The following DGKI variants were observed in gnomAD, a reference collection of about 807,000 sequenced individuals.
DGKI encodes the protein DAG kinase iota.
A neutral mutation model predicts 147.5 loss-of-function variants in DGKI; 55 were observed. That is an observed-to-expected ratio of 0.37 (90% CI 0.30 to 0.47). The LOEUF is 0.47. Among genes scored for constraint, DGKI ranks in the 20% least tolerant of loss-of-function variants. The pLI is 1.00. For missense variants in DGKI, 1,007 were observed against 1,323.8 expected, an observed-to-expected ratio of 0.76 and a Z score of 3.71; for synonymous variants, 469 against 477.1, an observed-to-expected ratio of 0.98 and a Z score of 0.22.
intron 23 of DGKI, among the ~76,000 whole-genome samples, chr7:137,480,058 G>T (rs113653090): frequency 6.6e-6 from 1 of 152,082 alleles, no homozygotes; most frequent in African/African-American, 2.4e-5. Context: ...TGGGGTAGAA[G>T]ATAGAAATAA....
intron 1 of DGKI, among the ~76,000 whole-genome samples, chr7:137,789,618 A>G (rs2116920677): frequency 6.6e-6 from 1 of 152,242 alleles, no homozygotes; most frequent in Middle Eastern, 3.4e-3. Flanking sequence ...TGAAGGAGGA[A>G]AAAAAAACAC....
chr7:137,477,026 T>C (rs1163151744), intron 23 of DGKI, among the ~76,000 whole-genome samples: 1 of 152,232 alleles, frequency 6.6e-6, no homozygotes, highest in African/African-American at 2.4e-5. Context: ...TCTAAATGGC[T>C]ATGAAGATCT....
intron 1 of DGKI, among the ~76,000 whole-genome samples, chr7:137,716,988 C>A (rs926666473): frequency 6.6e-6 from 1 of 152,188 alleles, no homozygotes; most frequent in Non-Finnish European, 1.5e-5. Flanking sequence ...TCCAGATGGG[C>A]TTTTATCTTT....
intron 1 of DGKI, among the ~76,000 whole-genome samples, chr7:137,824,559 T>G (rs1798001539): frequency 6.6e-6 from 1 of 151,208 alleles, no homozygotes; most frequent in Admixed American, 6.6e-5. Flanking sequence ...AATTATTGGG[T>G]TTTATTTAAA....
chr7:137,598,812 C>T lies in DGKI; in HGVS notation c.1251-905G>A, dbSNP rs539978910. 3.3e-5 allele frequency among the ~76,000 whole-genome samples: 5 copies of T among 151,786 alleles called. No individual in the cohort carries two copies. The East Asian group carries it at 7.7e-4, about 23-fold the overall frequency. ...AAATAAGCTCCTAAAATGGCACATC[C>T]CAGGATAGCAGATTTGCCTTAGCAT... On this transcript the variant is annotated intron_variant, in intron 11 of 32. Coordinates refer to ENST00000614521, the MANE Select transcript of DGKI (RefSeq NM_001321708.2).
chr7:137,693,118 G>A (rs551979803), intron 1 of DGKI, among the ~76,000 whole-genome samples: 118 of 152,174 alleles, frequency 7.8e-4, no homozygotes, highest in African/African-American at 1.3e-3. Flanking sequence ...ATAAGTTAGC[G>A]AAAGTTATTT....
intron 2 of DGKI, among the ~76,000 whole-genome samples, chr7:137,688,120 C>T (rs1329171258): frequency 6.6e-6 from 1 of 152,178 alleles, no homozygotes; most frequent in Non-Finnish European, 1.5e-5. Flanking sequence ...TTTCCAACAT[C>T]AAATGGGAAT....
chr7:137,421,482 A>G (rs1812568612), intron 28 of DGKI, among the ~76,000 whole-genome samples: 1 of 152,186 alleles, frequency 6.6e-6, no homozygotes, highest in Admixed American at 6.5e-5. Context: ...CTGTTTGGAG[A>G]AAAAACAAAC....
At position 137,582,428 on chromosome 7, in the gene DGKI, CTCTCTCTA is replaced by C. The variant is rs1427824168; in HGVS notation, c.1564-508_1564-501del. On this transcript the variant is annotated intron_variant, in intron 14 of 32. Transcript: ENST00000614521. ...CATCACCCATTTTCTCTCTCTCTCT[CTCTCTCTA>C]TATATATATATATATACACACACAC... Among the ~76,000 whole-genome samples the C allele has an allele frequency of 4.0e-5, 6 of 150,358 alleles. No homozygotes were observed. The South Asian group carries it at 1.3e-3, about 32-fold the overall frequency.
In DGKI at chr7:137,585,266, G is replaced by A. The variant is rs374161523; in HGVS notation, c.1506C>T (p.Leu502=). ...GTVVQLDRWN[L]HVERNPDLPP... ...GCAAGTCGGGGTTTCTTTCCACATG[G>A]AGGTTCCAGCGATCTAGCTGTACAA... Residue 502 remains leucine (L), a synonymous_variant, in exon 14 of 33, where the codon CTC becomes CTT. Transcript: ENST00000614521. The A allele has an allele frequency of 1.2e-4, 194 of 1,613,978 alleles. No homozygotes were observed. The highest frequency in any genetic ancestry group is 1.6e-4 in the Non-Finnish European group (186 of 1,180,016).
intron 1 of DGKI, among the ~76,000 whole-genome samples, chr7:137,738,146 C>A (rs1019594518): frequency 6.6e-6 from 1 of 151,980 alleles, no homozygotes; most frequent in South Asian, 2.1e-4. Flanking sequence ...TTTGTAGATG[C>A]GGAATGAAAT....
At chr7:137,803,231 C>A (rs1484191755) in intron 1 of DGKI, among the ~76,000 whole-genome samples, 1 of 152,034 alleles carries the variant, frequency 6.6e-6, no homozygotes, top group African/African-American at 2.4e-5. Context: ...AGTGAGGAGA[C>A]CAGTTTTGCT....
At chr7:137,511,663 T>C (rs1816584218) in intron 21 of DGKI, among the ~76,000 whole-genome samples, 1 of 152,218 alleles carries the variant, frequency 6.6e-6, no homozygotes, top group Admixed American at 6.5e-5. Flanking sequence ...TCAAGGATTT[T>C]GGTATGTGGG....
At chr7:137,491,531 A>C (rs1815762706) in intron 21 of DGKI, among the ~76,000 whole-genome samples, 1 of 152,234 alleles carries the variant, frequency 6.6e-6, no homozygotes, top group East Asian at 1.9e-4. Flanking sequence ...TATAAGTTTA[A>C]TGTTAATCCC....
At chr7:137,700,118 G>A (rs1823926246) in intron 1 of DGKI, among the ~76,000 whole-genome samples, 1 of 152,218 alleles carries the variant, frequency 6.6e-6, no homozygotes, top group Admixed American at 6.5e-5. Context: ...AGCCTACAAA[G>A]ACCCCAGAGC....
In DGKI at chr7:137,384,019, A is replaced by T. The variant is rs1811118868; in HGVS notation, c.*7201T>A. On this transcript the variant is annotated 3_prime_UTR_variant, in exon 33 of 33. Coordinates refer to ENST00000614521, the MANE Select transcript of DGKI (RefSeq NM_001321708.2). ...ATAGGTGTATTAAACCTCTATGTAT[A>T]TGACTATGTATTATCATAACACTTA... 6.6e-6 allele frequency: 1 copy of T among 152,046 alleles called. No individual in the cohort carries two copies. The allele number at this position is 152,046 out of a possible 1,614,324, so 9.4% of individuals were successfully genotyped here. A position where few individuals can be genotyped will look rare whatever the true frequency, so the allele number is the denominator to read the frequency against.
At chr7:137,469,471 A>G (rs1007183208) in intron 24 of DGKI, 79 bp downstream of exon 24, 2 of 1,437,862 alleles carry the variant, frequency 1.4e-6, no homozygotes, top group Non-Finnish European at 2.0e-6. Flanking sequence ...TTGGAAAACT[A>G]GAGCCCACCC....
At chr7:137,428,066 C>T (rs199964209) in intron 28 of DGKI, among the ~76,000 whole-genome samples, 5 of 147,992 alleles carry the variant, frequency 3.4e-5, no homozygotes, top group Admixed American at 6.8e-5. Flanking sequence ...CCAGCATCAT[C>T]CTGATACCAA....
intron 21 of DGKI, among the ~76,000 whole-genome samples, chr7:137,500,716 A>G (rs954922487): frequency 2.0e-5 from 3 of 152,102 alleles, no homozygotes; most frequent in Non-Finnish European, 4.4e-5. Context: ...AGGTGCCTAG[A>G]GTTGTTTCTT....
Sources: gnomAD v4.1 joint callset for allele counts (sites outside exome capture counted in the v4.1 genomes callset) on GRCh38, gnomAD v4.1.1 for gene constraint, MANE v1.5 for transcripts, NCBI Gene and HGNC (gene_info 2026-07-23, HGNC 2026-07-21) for gene names.